GALNS: variants seen among roughly 807,000 people sequenced by gnomAD.
GALNS encodes the protein N-acetylgalactosamine-6-sulfatase.
GALNS carries 65 observed loss-of-function variants against 65.9 expected under a neutral mutation model. The ratio of observed to expected loss-of-function variants is 0.99; its 90% CI spans 0.81 to 1.21. The LOEUF (loss-of-function observed/expected upper bound fraction) is 1.21. Among genes scored for constraint, GALNS ranks in the 50% most tolerant of loss-of-function variants. The pLI, the probability that GALNS is intolerant of heterozygous loss-of-function variation, is 0.00. For missense variants in GALNS, 776 were observed against 700.7 expected (o/e 1.11, Z -1.21); for synonymous variants, 346 against 288.9 (o/e 1.20, Z -2.00).
chr16:88,852,956 A>C (rs1384451028), intron 1 of GALNS, among the ~76,000 whole-genome samples: 1 of 151,738 alleles, frequency 6.6e-6, no homozygotes, highest in African/African-American at 2.4e-5. Flanking sequence ...CCTTGTCTCA[A>C]AAAAAAAGTC....
intron 7 of GALNS, 64 bp downstream of exon 7, chr16:88,835,661 T>C: frequency 6.2e-7 from 1 of 1,608,758 alleles, no homozygotes; most frequent in South Asian, 1.1e-5. Flanking sequence ...GAGTGTCCCA[T>C]CTCTGGAGTC....
chr16:88,815,392 G>A (rs903700364), intron 13 of GALNS: 1 of 985,464 alleles, frequency 1.0e-6, no homozygotes, highest in Non-Finnish European at 1.2e-6. Context: ...CTTTCCCAGG[G>A]AGAAGCCAGT....
intron 1 of GALNS, chr16:88,845,358 C>T (rs1237802115): frequency 6.7e-6 from 1 of 149,942 alleles, no homozygotes; most frequent in Non-Finnish European, 1.5e-5. Context: ...CCCAAAACCA[C>T]AACAACAACA....
At chr16:88,815,085 T>G in intron 13 of GALNS, 3 of 985,314 alleles carry the variant, frequency 3.0e-6, no homozygotes, top group Non-Finnish European at 3.6e-6. Context: ...CCCCAACCAA[T>G]TGGCCTCAGT....
chr16:88,856,251 G>C, intron 1 of GALNS: 2 of 703,068 alleles, frequency 2.8e-6, no homozygotes, highest in Admixed American at 4.0e-5. Context: ...CGTCAGGTAA[G>C]ACTGGAGCCC....
intron 8 of GALNS, among the ~76,000 whole-genome samples, chr16:88,832,828 A>T (rs1911648025): frequency 6.6e-6 from 1 of 152,178 alleles, no homozygotes; most frequent in Non-Finnish European, 1.5e-5. Flanking sequence ...TGGGAGGCCG[A>T]AGCAGGGGGA....
chr16:88,816,269 G>A lies in GALNS; in HGVS notation c.1482+1738C>T, dbSNP rs548167476. 1,731 of 985,422 alleles carry A rather than the reference G, an allele frequency of 1.8e-3. 1 individual carries two copies. The highest frequency in any genetic ancestry group is 3.4e-3 in the East Asian group (30 of 8,810). The allele number at this position is 985,422 out of a possible 1,614,324, so 61.0% of individuals were successfully genotyped here. ...TCCATGGCAGGTGTGGCCTGCGCCCGTGGAGCCACTGCAGCCTGGGTCGTA... is the reference window on the plus strand; with the variant it reads ...TCCATGGCAGGTGTGGCCTGCGCCCATGGAGCCACTGCAGCCTGGGTCGTA... On this transcript the variant is annotated intron_variant, in intron 13 of 13. Transcript: ENST00000268695.
chr16:88,814,410 T>C lies in GALNS; in HGVS notation c.*29A>G, dbSNP rs377151771. On this transcript the variant is annotated 3_prime_UTR_variant, in exon 14 of 14. Coordinates refer to ENST00000268695, the MANE Select transcript of GALNS (RefSeq NM_000512.5). Reference sequence around the variant, plus strand: ...GGCACTTGCAGGGCCAACCGGAGATTCTAGGCCTGGCCTGAGTCTGCGCAG... The same window carrying C: ...GGCACTTGCAGGGCCAACCGGAGATCCTAGGCCTGGCCTGAGTCTGCGCAG... 1 of 1,551,566 alleles carries C rather than the reference T, an allele frequency of 6.4e-7. No individual in the cohort carries two copies. Among genetic ancestry groups the C allele is most frequent in the Non-Finnish European group, 8.7e-7 (1 of 1,147,718 alleles).
At position 88,814,486 on chromosome 16, in the gene GALNS, G is replaced by C. The variant is rs970373450; in HGVS notation, c.1522C>G (p.Leu508Val). ...PPGCEKLGKC[L>V]TPPESIPKKC... ...TTGGGAATGGATTCTGGAGGTGTCA[G>C]ACACTTCCCTAACTTTTCACAGCCC... Residue 508 changes from leucine to valine, a missense_variant, in exon 14 of 14, where the codon CTG (leucine) becomes GTG (valine). Leu to Val is a conservative substitution (Grantham distance 32, BLOSUM62 1). Coordinates refer to ENST00000268695, the MANE Select transcript of GALNS (RefSeq NM_000512.5). 6 of 1,563,050 alleles carry C rather than the reference G, an allele frequency of 3.8e-6. No homozygotes were observed. The Admixed American group carries it at 7.6e-5, about 20-fold the overall frequency.
chr16:88,856,750 G>A lies in GALNS; in HGVS notation c.120+8C>T. ...CCGGCCCTGCCCCGTCCCACCGCCC[G>A]CACTCACGTCGTCCATGAGCAGGAG... is the stretch of plus-strand genomic sequence containing the variant. On this transcript the variant is annotated splice_region_variant and intron_variant, in intron 1 of 13. Transcript: ENST00000268695. 2 of 1,084,620 alleles carry A rather than the reference G, an allele frequency of 1.8e-6. No homozygotes were observed. The highest frequency in any genetic ancestry group is 2.3e-5 in the Admixed American group (1 of 43,130). The allele number at this position is 1,084,620 out of a possible 1,614,324, so 67.2% of individuals were successfully genotyped here. A position where few individuals can be genotyped will look rare whatever the true frequency, so the allele number is the denominator to read the frequency against.
At chr16:88,839,247 C>T (rs1431994966) in intron 4 of GALNS, among the ~76,000 whole-genome samples, 4 of 147,400 alleles carry the variant, frequency 2.7e-5, no homozygotes, top group East Asian at 2.0e-4. Context: ...CGTGCGCCCA[C>T]GTCCGCAGGT....
chr16:88,814,831 C>T (rs1410090899), intron 13 of GALNS, among the ~76,000 whole-genome samples: 1 of 152,238 alleles, frequency 6.6e-6, no homozygotes, highest in Admixed American at 6.5e-5. Flanking sequence ...GAACTCCTGA[C>T]CTCGTGATCC....
chr16:88,821,215 C>T (rs571491912), intron 12 of GALNS, among the ~76,000 whole-genome samples: 4 of 152,328 alleles, frequency 2.6e-5, no homozygotes, highest in South Asian at 2.1e-4. Flanking sequence ...GGGCTGTGCA[C>T]CCCTGGAGGA....
chr16:88,814,360 C>T lies in GALNS; in HGVS notation c.*79G>A, dbSNP rs1246175892. 3.9e-6 allele frequency: 6 copies of T among 1,535,132 alleles called. No homozygotes were observed. Among genetic ancestry groups the T allele is most frequent in the African/African-American group, 2.8e-5 (2 of 72,646 alleles). Reference sequence around the variant, plus strand: ...GGCTTGGGCAGGGTTGGGGGAGGACCGAGGCCAGAGCCATCCTTCCTCCAG... The same window carrying T: ...GGCTTGGGCAGGGTTGGGGGAGGACTGAGGCCAGAGCCATCCTTCCTCCAG... On this transcript the variant is annotated 3_prime_UTR_variant, in exon 14 of 14. Transcript: ENST00000268695.
chr16:88,817,899 G>A (rs1322684609), intron 13 of GALNS, 108 bp downstream of exon 13: 4 of 961,250 alleles, frequency 4.2e-6, no homozygotes, highest in African/African-American at 1.6e-5. Flanking sequence ...GACGGAGGCG[G>A]GGAAGCACGC....
chr16:88,835,917 G>A (rs1382493695), intron 6 of GALNS, 68 bp from the exon 7 acceptor site: 29 of 1,608,884 alleles, frequency 1.8e-5, no homozygotes, highest in East Asian at 4.5e-5. Context: ...CACGGTCCCC[G>A]TCCCCACACG....
At chr16:88,853,783 G>C (rs1403765076) in intron 1 of GALNS, among the ~76,000 whole-genome samples, 2 of 152,186 alleles carry the variant, frequency 1.3e-5, no homozygotes. Flanking sequence ...GTCAGTGAAA[G>C]GCCAGGGCAG....
chr16:88,825,806 C>T (rs909243786), intron 10 of GALNS, among the ~76,000 whole-genome samples: 6 of 152,120 alleles, frequency 3.9e-5, no homozygotes, highest in African/African-American at 1.4e-4. Flanking sequence ...CAGTGACCAA[C>T]CACTTGTGCC....
At chr16:88,842,197 C>T (rs527966167) in intron 2 of GALNS, 8 of 637,944 alleles carry the variant, frequency 1.3e-5, no homozygotes, top group African/African-American at 5.4e-5. Context: ...TGCAGCTCAG[C>T]GTTGTCCCCA....
Sources: gnomAD v4.1 joint callset for allele counts (sites outside exome capture counted in the v4.1 genomes callset) on GRCh38, gnomAD v4.1.1 for gene constraint, MANE v1.5 for transcripts, NCBI Gene and HGNC (gene_info 2026-07-23, HGNC 2026-07-21) for gene names.